The following MON2 variants were observed in gnomAD, a reference collection of about 807,000 sequenced individuals.
MON2 encodes protein MON2 homolog.
MON2 carries 84 observed loss-of-function variants against 208.6 expected under a neutral mutation model. That is an observed-to-expected ratio of 0.40 (90% CI 0.34 to 0.48). MON2 has a LOEUF of 0.48. Ranked by LOEUF, MON2 falls within the 20% of genes least tolerant of loss-of-function variation. MON2 has a pLI of 0.59. For missense variants in MON2, 1,611 were observed against 2,015.4 expected (o/e 0.80, Z 3.84); for synonymous variants, 660 against 694.0 (o/e 0.95, Z 0.77).
chr12:62,498,514 T>C (rs2070661622), intron 4 of MON2, among the ~76,000 whole-genome samples: 1 of 152,134 alleles, frequency 6.6e-6, no homozygotes, highest in Admixed American at 6.5e-5. Flanking sequence ...AAACTTGAGT[T>C]TTAAAAGAAA....
intron 4 of MON2, among the ~76,000 whole-genome samples, chr12:62,496,964 A>G (rs1408433377): frequency 2.7e-5 from 4 of 145,696 alleles, no homozygotes; most frequent in South Asian, 4.5e-4. Context: ...ACACCATGGA[A>G]TACTATGCAG....
chr12:62,584,705 CAAAAAAAAAAAAAA>C (rs1226172058), intron 32 of MON2, among the ~76,000 whole-genome samples: 1 of 71,376 alleles, frequency 1.4e-5, no homozygotes, highest in African/African-American at 6.5e-5. Flanking sequence ...TCTGTCTCAA[CAAAAAAAAAAAAAA>C]AAAAAAAAAG....
At chr12:62,474,652 G>A (rs756280201) in intron 1 of MON2, among the ~76,000 whole-genome samples, 4 of 152,014 alleles carry the variant, frequency 2.6e-5, no homozygotes, top group African/African-American at 4.8e-5. Context: ...TCAAACTCCC[G>A]ACCTCAGGTT....
At chr12:62,509,418 T>C (rs908551212) in intron 8 of MON2, among the ~76,000 whole-genome samples, 2 of 152,166 alleles carry the variant, frequency 1.3e-5, no homozygotes, top group Non-Finnish European at 2.9e-5. Context: ...CCTGGCCCTA[T>C]ATTCTAAAAA....
At chr12:62,536,957 T>G (rs150292944) in intron 14 of MON2, among the ~76,000 whole-genome samples, 194 bp from the exon 15 acceptor site, 1 of 152,154 alleles carries the variant, frequency 6.6e-6, no homozygotes, top group Non-Finnish European at 1.5e-5. Context: ...CCAAAATGGC[T>G]GGGATTACAG....
intron 3 of MON2, 98 bp downstream of exon 3, chr12:62,494,140 T>C: frequency 8.7e-7 from 1 of 1,148,346 alleles, no homozygotes; most frequent in Non-Finnish European, 1.2e-6. Context: ...ATAAAACTTT[T>C]ACAAATAGCA....
At chr12:62,561,161 A>T (rs766873014) in intron 26 of MON2, 48 bp downstream of exon 26, 18 of 1,458,354 alleles carry the variant, frequency 1.2e-5, no homozygotes, top group East Asian at 2.3e-5. Flanking sequence ...GTTCTCTGAA[A>T]TTTTTTTTAT....
At chr12:62,516,741 G>A (rs1227439155) in intron 8 of MON2, among the ~76,000 whole-genome samples, 1 of 152,052 alleles carries the variant, frequency 6.6e-6, no homozygotes, top group Non-Finnish European at 1.5e-5. Flanking sequence ...TAATTGGAAT[G>A]TTTTAGCACA....
chr12:62,524,789 A>G (rs1307510158), intron 9 of MON2, 150 bp downstream of exon 9: 2 of 831,082 alleles, frequency 2.4e-6, no homozygotes, highest in Non-Finnish European at 3.7e-6. Context: ...AGGGTATTGT[A>G]TCTATAAGGA....
chr12:62,525,955 A>G lies in MON2; in HGVS notation c.1253A>G (p.Asn418Ser), dbSNP rs142746051. Residue 418 changes from asparagine (N) to serine (S), a missense_variant, in exon 11 of 35, where the codon AAT becomes AGT. Asn to Ser is a conservative substitution (Grantham distance 46). Transcript: ENST00000393630. ...TTCCCTTCTTCTCTAACAGGAAACA[A>G]TAATTTAGGTGGCTCAGTCTCAGCA... ...NPATSNQAGN[N>S]NLGGSVSAPA... 2,481 of 1,612,440 alleles carry G rather than the reference A, an allele frequency of 1.5e-3. 7 individuals are homozygous for G. Among genetic ancestry groups the G allele is most frequent in the South Asian group, 3.5e-3 (315 of 90,642 alleles).
intron 14 of MON2, 101 bp downstream of exon 14, chr12:62,535,810 C>G: frequency 1.3e-6 from 1 of 794,750 alleles, no homozygotes; most frequent in Non-Finnish European, 1.7e-6. Flanking sequence ...TTTTCACATA[C>G]TGACTGTGTG....
chr12:62,592,394 AT>A (rs1027713199), intron 34 of MON2, among the ~76,000 whole-genome samples, 191 bp from the exon 35 acceptor site: 6 of 152,188 alleles, frequency 3.9e-5, no homozygotes, highest in African/African-American at 9.7e-5. Flanking sequence ...CTGAGCATAT[AT>A]TTTTTCCCAT....
At chr12:62,584,078 G>A (rs1188549182) in intron 32 of MON2, among the ~76,000 whole-genome samples, 1 of 151,732 alleles carries the variant, frequency 6.6e-6, no homozygotes, top group African/African-American at 2.4e-5. Context: ...CTTTTAACAT[G>A]GAAGCTCCAT....
chr12:62,482,071 A>T (rs569535567), intron 1 of MON2, among the ~76,000 whole-genome samples: 88 of 152,294 alleles, frequency 5.8e-4, no homozygotes, highest in African/African-American at 2.0e-3. Context: ...GAAACTAGAT[A>T]CTGCTTTCAC....
chr12:62,532,196 A>G (rs943122002), intron 11 of MON2, among the ~76,000 whole-genome samples: 1 of 152,214 alleles, frequency 6.6e-6, no homozygotes, highest in African/African-American at 2.4e-5. Context: ...TCAGGGGAGA[A>G]TGAGAAGTAA....
chr12:62,483,631 G>A (rs1454230689), intron 1 of MON2, among the ~76,000 whole-genome samples: 1 of 152,182 alleles, frequency 6.6e-6, no homozygotes, highest in Non-Finnish European at 1.5e-5. Context: ...CAGGAGAATG[G>A]CTTGAACCAG....
At chr12:62,524,489 T>G (rs981945508) in intron 8 of MON2, 26 bp from the exon 9 acceptor site, 2 of 1,555,056 alleles carry the variant, frequency 1.3e-6, no homozygotes, top group Admixed American at 1.7e-5. Flanking sequence ...TTCAAAGAAA[T>G]AGTATTAAAA....
intron 11 of MON2, among the ~76,000 whole-genome samples, chr12:62,528,730 T>C (rs1355695300): frequency 5.3e-5 from 8 of 152,216 alleles, no homozygotes; most frequent in African/African-American, 9.6e-5. Flanking sequence ...AGAATAGGAA[T>C]TTGTCTAATG....
intron 2 of MON2, among the ~76,000 whole-genome samples, chr12:62,492,362 CTTTTTTTTTTT>C (rs67979134): frequency 1.8e-5 from 2 of 110,274 alleles, no homozygotes; most frequent in East Asian, 2.6e-4. Context: ...AGAGTTAGTT[CTTTTTTTTTTT>C]TTTTTTTTTG....
Sources: gnomAD v4.1 joint callset for allele counts (sites outside exome capture counted in the v4.1 genomes callset) on GRCh38, gnomAD v4.1.1 for gene constraint, MANE v1.5 for transcripts, NCBI Gene and HGNC (gene_info 2026-07-23, HGNC 2026-07-21) for gene names.